GLIPR1L2: variants seen among roughly 807,000 people sequenced by gnomAD.
The protein encoded by GLIPR1L2 is GLIPR1-like protein 2.
A neutral mutation model predicts 28.4 loss-of-function variants in GLIPR1L2; 21 were observed. The observed-to-expected ratio is 0.74, with a 90% CI of 0.52 to 1.06. The LOEUF (loss-of-function observed/expected upper bound fraction) is 1.06, where lower values mean the gene tolerates loss of function less well. Among genes scored for constraint, GLIPR1L2 ranks in the 50% least tolerant of loss-of-function variants. The pLI is 0.00. For synonymous variants in GLIPR1L2, 145 were observed against 139.3 expected (o/e 1.04, Z -0.29); for missense variants, 476 against 416.9 (o/e 1.14, Z -1.23).
At chr12:75,394,523 T>C (rs1027825751) in intron 1 of GLIPR1L2, among the ~76,000 whole-genome samples, 2 of 152,026 alleles carry the variant, frequency 1.3e-5, no homozygotes, top group Non-Finnish European at 2.9e-5. Context: ...CTTTCCACCC[T>C]TGTTAAAAAT....
chr12:75,395,728 T>C (rs2045675204), intron 1 of GLIPR1L2, among the ~76,000 whole-genome samples: 1 of 151,932 alleles, frequency 6.6e-6, no homozygotes, highest in Non-Finnish European at 1.5e-5. Flanking sequence ...TTTTGGTAGG[T>C]TGTATGTTCC....
At chr12:75,397,444 T>C (rs2045692807) in intron 1 of GLIPR1L2, among the ~76,000 whole-genome samples, 1 of 152,142 alleles carries the variant, frequency 6.6e-6, no homozygotes, top group South Asian at 2.1e-4. Context: ...CTGTCATGTT[T>C]ATAATTTTCT....
rs1168165401 is a variant in GLIPR1L2, at chr12:75,431,721, G to A, written c.*560G>A. ...TGGTACCTGTACATCCTGCTAGGATGCAAACTTATTATTTATAATTAATGT... is the reference window on the plus strand; with the variant it reads ...TGGTACCTGTACATCCTGCTAGGATACAAACTTATTATTTATAATTAATGT... On this transcript the variant is annotated 3_prime_UTR_variant, in exon 6 of 6. Coordinates refer to ENST00000550916, the MANE Select transcript of GLIPR1L2 (RefSeq NM_001270396.2). The A allele has an allele frequency of 6.6e-6, 1 of 151,962 alleles. No homozygotes were observed. Among genetic ancestry groups the A allele is most frequent in the Non-Finnish European group, 1.5e-5 (1 of 67,948 alleles). 9.4% of individuals were successfully genotyped at this position (151,962 alleles called of 1,614,324 possible).
At chr12:75,401,572 G>A (rs961000604) in intron 1 of GLIPR1L2, among the ~76,000 whole-genome samples, 1 of 151,736 alleles carries the variant, frequency 6.6e-6, no homozygotes, top group Non-Finnish European at 1.5e-5. Flanking sequence ...ATATAGCAAC[G>A]AACAAATAAT....
At chr12:75,397,345 A>G (rs1490540635) in intron 1 of GLIPR1L2, among the ~76,000 whole-genome samples, 1 of 151,934 alleles carries the variant, frequency 6.6e-6, no homozygotes, top group Non-Finnish European at 1.5e-5. Flanking sequence ...TTTTAAACAT[A>G]ATTATTTTAT....
intron 1 of GLIPR1L2, among the ~76,000 whole-genome samples, chr12:75,392,742 T>A (rs1470780402): frequency 6.6e-6 from 1 of 152,082 alleles, no homozygotes; most frequent in African/African-American, 2.4e-5. Flanking sequence ...CTAAAAATTA[T>A]ATAGTATTTC....
Position 75,419,473 on chromosome 12 carries a change from A to T in GLIPR1L2, c.585-3431A>T, listed in dbSNP as rs1255012743. ...GAAAACCCAAGTTATTGGATGAATT[A>T]TCCATATGAATGTTGTGATCAAATA... is the stretch of plus-strand genomic sequence containing the variant. On this transcript the variant is annotated intron_variant, in intron 3 of 5. Coordinates refer to ENST00000550916, the MANE Select transcript of GLIPR1L2 (RefSeq NM_001270396.2). 2.6e-5 allele frequency among the ~76,000 whole-genome samples: 4 copies of T among 152,344 alleles called. No homozygotes were observed. The East Asian group carries it at 7.7e-4, about 29-fold the overall frequency.
In GLIPR1L2 at chr12:75,431,036, G is replaced by C; in HGVS notation, c.910G>C (p.Glu304Gln). 1 of 1,513,590 alleles carries C rather than the reference G, an allele frequency of 6.6e-7. No individual in the cohort carries two copies. The highest frequency in any genetic ancestry group is 8.9e-7 in the Non-Finnish European group (1 of 1,126,674). 93.8% of individuals were successfully genotyped at this position (1,513,590 alleles called of 1,614,324 possible). A position where few individuals can be genotyped will look rare whatever the true frequency, so the allele number is the denominator to read the frequency against. ...AGCAGGGAATGAAGAGGAGGAAAAA[G>C]AGGAAGAGAAGAAAGAGAAAGAGGA... ...SEAGNEEEEK[E>Q]EEKKEKEEME... The change falls in exon 6 of 6, where the codon GAG (glutamate) becomes CAG (glutamine). Residue 304 changes from glutamate to glutamine, a missense_variant. Coordinates refer to ENST00000550916, the MANE Select transcript of GLIPR1L2 (RefSeq NM_001270396.2).
At chr12:75,426,381 A>G (rs1447810983) in intron 4 of GLIPR1L2, among the ~76,000 whole-genome samples, 2 of 152,234 alleles carry the variant, frequency 1.3e-5, no homozygotes, top group Admixed American at 1.3e-4. Context: ...ACACTAAGGG[A>G]GTGAAGGTCA....
Position 75,431,329 on chromosome 12 carries a change from C to A in GLIPR1L2, c.*168C>A. The A allele has an allele frequency of 2.1e-6, 1 of 487,488 alleles. No homozygotes were observed. The highest frequency in any genetic ancestry group is 3.6e-6 in the Non-Finnish European group (1 of 279,664). The allele number at this position is 487,488 out of a possible 1,614,324, so 30.2% of individuals were successfully genotyped here. On this transcript the variant is annotated 3_prime_UTR_variant, in exon 6 of 6. Transcript: ENST00000550916. ...CCCTTCTCTCCTATACTTATTCAAT[C>A]AATTTAAATTTGTAAAACAAAGAAA...
At chr12:75,399,175 G>C (rs531670374) in intron 1 of GLIPR1L2, among the ~76,000 whole-genome samples, 15 of 152,198 alleles carry the variant, frequency 9.9e-5, no homozygotes, top group Admixed American at 8.5e-4. Context: ...AGATTTTATA[G>C]CATATAATAA....
chr12:75,422,646 T>A (rs548981855), intron 3 of GLIPR1L2, among the ~76,000 whole-genome samples: 3 of 152,288 alleles, frequency 2.0e-5, no homozygotes, highest in Non-Finnish European at 4.4e-5. Context: ...TAAACTAAAA[T>A]GAAAGAAGCT....
At chr12:75,410,780 T>G in intron 2 of GLIPR1L2, 101 bp downstream of exon 2, 1 of 868,648 alleles carries the variant, frequency 1.2e-6, no homozygotes, top group Middle Eastern at 3.0e-4. Context: ...AATAATAAAA[T>G]TATCACATTT....
intron 3 of GLIPR1L2, among the ~76,000 whole-genome samples, chr12:75,419,663 G>C (rs943808176): frequency 2.6e-5 from 4 of 152,154 alleles, no homozygotes; most frequent in African/African-American, 9.7e-5. Context: ...AGCTTTAACT[G>C]TTTAACTGTT....
chr12:75,416,605 A>G (rs74108775), intron 3 of GLIPR1L2, among the ~76,000 whole-genome samples: 2,815 of 152,224 alleles, frequency 0.018, 72 homozygotes, highest in African/African-American at 0.064. Context: ...CGCTGCTGAG[A>G]GAATGAGAAA....
At chr12:75,419,291 A>AGG (rs1175532825) in intron 3 of GLIPR1L2, among the ~76,000 whole-genome samples, 1 of 152,216 alleles carries the variant, frequency 6.6e-6, no homozygotes, top group Non-Finnish European at 1.5e-5. Flanking sequence ...GCACCCTGGA[A>AGG]GGAGGATAGG....
At chr12:75,418,051 C>G (rs1256734652) in intron 3 of GLIPR1L2, among the ~76,000 whole-genome samples, 1 of 151,892 alleles carries the variant, frequency 6.6e-6, no homozygotes, top group South Asian at 2.1e-4. Context: ...ACTACAAGAC[C>G]TTTCATTTAG....
intron 1 of GLIPR1L2, among the ~76,000 whole-genome samples, chr12:75,395,701 G>C (rs1255811494): frequency 6.6e-6 from 1 of 151,298 alleles, no homozygotes; most frequent in African/African-American, 2.4e-5. Context: ...TAGATTTTCT[G>C]TTTCTTCGTT....
intron 1 of GLIPR1L2, among the ~76,000 whole-genome samples, chr12:75,395,990 T>A (rs544986388): frequency 9.8e-4 from 149 of 152,096 alleles, no homozygotes; most frequent in Middle Eastern, 3.4e-3. Flanking sequence ...TTCATCTTTT[T>A]AAAAAAAATG....
Sources: allele counts gnomAD v4.1 joint callset (sites outside exome capture counted in the v4.1 genomes callset), GRCh38; gene constraint gnomAD v4.1.1; transcripts MANE v1.5; gene names NCBI Gene and HGNC (gene_info 2026-07-23, HGNC 2026-07-21).